CAST: variants seen among roughly 807,000 people sequenced by gnomAD.
CAST encodes MIR583 host.
In CAST, 76 loss-of-function variants were observed where a neutral mutation model predicts 119.6. The observed-to-expected ratio is 0.64, with a 90% CI of 0.53 to 0.77. The LOEUF is 0.77. Among genes scored for constraint, CAST ranks in the 30% least tolerant of loss-of-function variants. CAST has a pLI of 0.00. For missense variants in CAST, 953 were observed against 946.5 expected (o/e 1.01, Z -0.09); for synonymous variants, 319 against 331.6 (o/e 0.96, Z 0.41).
the CAST span, among the ~76,000 whole-genome samples, chr5:96,170,891 G>A: frequency 6.6e-6 from 1 of 152,178 alleles, no homozygotes; most frequent in African/African-American, 2.4e-5. Flanking sequence ...AGGAGGAGAG[G>A]TGATAAAAGG....
At chr5:96,611,130 C>T (rs929349433) in intron 1 of CAST, among the ~76,000 whole-genome samples, 3 of 152,078 alleles carry the variant, frequency 2.0e-5, no homozygotes, top group African/African-American at 7.2e-5. Context: ...ATTATTTTTT[C>T]ATGGAATTAG....
intron 29 of CAST, 143 bp from the exon 30 acceptor site, chr5:96,770,388 A>G: frequency 1.7e-6 from 1 of 596,564 alleles, no homozygotes; most frequent in Admixed American, 2.8e-5. Flanking sequence ...GTTCAAAAAA[A>G]ATCATGAAAA....
intron 1 of CAST, among the ~76,000 whole-genome samples, chr5:96,534,287 T>C (rs888796971): frequency 6.6e-6 from 1 of 152,090 alleles, no homozygotes; most frequent in Non-Finnish European, 1.5e-5. Flanking sequence ...ATGAGATAGA[T>C]TGATGGATTT....
chr5:96,479,810 G>A, the CAST span, among the ~76,000 whole-genome samples: 2 of 152,132 alleles, frequency 1.3e-5, no homozygotes, highest in African/African-American at 4.8e-5. Context: ...ATGGAGTGAG[G>A]TGGGAATTGT....
At chr5:96,383,548 G>A in the CAST span, among the ~76,000 whole-genome samples, 20 of 152,190 alleles carry the variant, frequency 1.3e-4, no homozygotes, top group Non-Finnish European at 2.8e-4. Flanking sequence ...CCAGGTTCAA[G>A]CAATTCTCTG....
chr5:96,550,493 A>G (rs1746107850), intron 1 of CAST, among the ~76,000 whole-genome samples: 1 of 152,246 alleles, frequency 6.6e-6, no homozygotes, highest in African/African-American at 2.4e-5. Flanking sequence ...TCTAAAAACC[A>G]GAACGCCTCT....
intron 1 of CAST, among the ~76,000 whole-genome samples, chr5:96,598,489 G>A (rs1747091067): frequency 1.3e-5 from 2 of 152,162 alleles, no homozygotes; most frequent in South Asian, 4.2e-4. Context: ...GGGAAGATTT[G>A]CAATGGCCTG....
At chr5:96,553,374 A>C (rs1746173792) in intron 1 of CAST, among the ~76,000 whole-genome samples, 1 of 152,214 alleles carries the variant, frequency 6.6e-6, no homozygotes, top group Non-Finnish European at 1.5e-5. Flanking sequence ...TTTCATGCTA[A>C]AAACTCTCAT....
At chr5:96,468,325 C>A in the CAST span, among the ~76,000 whole-genome samples, 1 of 152,114 alleles carries the variant, frequency 6.6e-6, no homozygotes, top group Non-Finnish European at 1.5e-5. Context: ...CAGACTTCAC[C>A]ACTATACAAT....
the CAST span, among the ~76,000 whole-genome samples, chr5:96,068,451 A>G: frequency 1.3e-5 from 2 of 151,828 alleles, no homozygotes; most frequent in African/African-American, 2.4e-5. Context: ...ACATTTTTCA[A>G]CTTCTCCTGC....
At chr5:96,443,745 A>T in the CAST span, among the ~76,000 whole-genome samples, 1 of 152,222 alleles carries the variant, frequency 6.6e-6, no homozygotes, top group Non-Finnish European at 1.5e-5. Context: ...ATTGATATAC[A>T]TGAATCAAAT....
intron 1 of CAST, among the ~76,000 whole-genome samples, chr5:96,549,752 T>G (rs263379): frequency 1 from 151,757 of 152,364 alleles, 75,582 homozygotes; most frequent in Middle Eastern, 1. Flanking sequence ...TCTGTGCCTG[T>G]CTTGGCAGGT....
chr5:96,715,559 A>G (rs750052094), intron 3 of CAST, among the ~76,000 whole-genome samples: 33 of 152,200 alleles, frequency 2.2e-4, no homozygotes, highest in Non-Finnish European at 4.0e-4. Flanking sequence ...AAATGCAGAT[A>G]ATGTTTACCT....
chr5:96,522,258 A>G (rs895063533), upstream of CAST, among the ~76,000 whole-genome samples: 2 of 152,160 alleles, frequency 1.3e-5, no homozygotes, highest in African/African-American at 2.4e-5. Context: ...AAATAAACAC[A>G]TTTGCTTTCT....
At chr5:96,314,878 A>G in the CAST span, among the ~76,000 whole-genome samples, 2 of 152,200 alleles carry the variant, frequency 1.3e-5, no homozygotes, top group Admixed American at 6.5e-5. Flanking sequence ...GACCCTTTAA[A>G]TTTGCAATAT....
chr5:95,973,000 A>T, the CAST span: 8 of 152,238 alleles, frequency 5.3e-5, no homozygotes, highest in African/African-American at 1.7e-4. Context: ...GAGCTTGTTC[A>T]TTCTCTCAGC....
chr5:96,224,756 G>A, the CAST span, among the ~76,000 whole-genome samples: 1 of 152,154 alleles, frequency 6.6e-6, no homozygotes, highest in Admixed American at 6.5e-5. Flanking sequence ...GCAGCCACGG[G>A]ATACTAATTT....
rs766938706 is a variant in CAST, at chr5:96,765,242, G to A, written c.1954G>A (p.Asp652Asn). The A allele has an allele frequency of 6.2e-7, 1 of 1,600,752 alleles. No homozygotes were observed. ...DTSQSDKDLD[D>N]ALDKLSDSLG... ...TCAGCAGAGTGACAAAGACCTCGAT[G>A]ATGCCTTGGATAAACTCTCTGACAG... Residue 652 changes from aspartate (D) to asparagine (N), a missense_variant, in exon 26 of 32, where the codon GAT becomes AAT. Coordinates refer to ENST00000675179, the MANE Select transcript of CAST (RefSeq NM_001750.7).
the CAST span, among the ~76,000 whole-genome samples, chr5:96,441,233 TG>T: frequency 0.011 from 1,749 of 152,320 alleles, 11 homozygotes; most frequent in Non-Finnish European, 0.019. Context: ...GACAGAGAGA[TG>T]ATTTCAAAGT....
Sources: gnomAD v4.1 joint callset for allele counts (sites outside exome capture counted in the v4.1 genomes callset) on GRCh38, gnomAD v4.1.1 for gene constraint, MANE v1.5 for transcripts, NCBI Gene and HGNC (gene_info 2026-07-23, HGNC 2026-07-21) for gene names.